Variants in ATAD1 observed in about 807,000 individuals in gnomAD.
The protein encoded by ATAD1 is ATPase family AAA domain containing 1.
ATAD1 carries 18 observed loss-of-function variants against 42.7 expected under a neutral mutation model. The ratio of observed to expected loss-of-function variants is 0.42; its 90% CI spans 0.29 to 0.63. ATAD1 has a LOEUF of 0.63. Among genes scored for constraint, ATAD1 ranks in the 20% least tolerant of loss-of-function variants. ATAD1 has a pLI of 0.19. For synonymous variants in ATAD1, 132 were observed against 143.1 expected (o/e 0.92, Z 0.55); for missense variants, 294 against 440.4 (o/e 0.67, Z 2.98).
intron 2 of ATAD1, among the ~76,000 whole-genome samples, chr10:87,801,564 AATT>A: frequency 6.7e-6 from 1 of 150,062 alleles, no homozygotes; most frequent in South Asian, 2.1e-4. Flanking sequence ...TGTGTCCTAA[AATT>A]ATGAGAAACT....
At chr10:87,789,754 A>G (rs975875374) in intron 4 of ATAD1, among the ~76,000 whole-genome samples, 1 of 152,156 alleles carries the variant, frequency 6.6e-6, no homozygotes, top group Non-Finnish European at 1.5e-5. Flanking sequence ...AAGAAAAAAA[A>G]AGAAAGATTT....
At chr10:87,827,554 T>C (rs1389641610) in intron 1 of ATAD1, among the ~76,000 whole-genome samples, 5 of 152,212 alleles carry the variant, frequency 3.3e-5, no homozygotes, top group African/African-American at 1.2e-4. Context: ...TAAATTATTA[T>C]ATCTGTTACG....
intron 3 of ATAD1, 88 bp from the exon 4 acceptor site, chr10:87,790,518 T>C (rs1856047477): frequency 7.5e-7 from 1 of 1,331,870 alleles, no homozygotes; most frequent in Non-Finnish European, 1.0e-6. Context: ...CAAATGTTAA[T>C]CTGATGATTA....
chr10:87,788,097 T>C (rs1385946657), intron 4 of ATAD1, among the ~76,000 whole-genome samples: 1 of 152,198 alleles, frequency 6.6e-6, no homozygotes, highest in African/African-American at 2.4e-5. Flanking sequence ...GTGCCCCCAT[T>C]TCCCTGTCAC....
At chr10:87,827,897 C>T (rs1481521760) in intron 1 of ATAD1, among the ~76,000 whole-genome samples, 1 of 152,110 alleles carries the variant, frequency 6.6e-6, no homozygotes, top group Non-Finnish European at 1.5e-5. Flanking sequence ...AAAGCTAGGC[C>T]TCTTGAGTCA....
At chr10:87,765,929 T>C (rs749402024) in intron 8 of ATAD1, among the ~76,000 whole-genome samples, 4 of 151,842 alleles carry the variant, frequency 2.6e-5, no homozygotes, top group Non-Finnish European at 5.9e-5. Flanking sequence ...TGTAATCTGC[T>C]TGGGAGGGTG....
At chr10:87,809,505 A>G (rs568937516) in intron 2 of ATAD1, among the ~76,000 whole-genome samples, 2 of 150,430 alleles carry the variant, frequency 1.3e-5, no homozygotes, top group South Asian at 2.1e-4. Context: ...GGCAGGAGAG[A>G]CGGGCACACT....
chr10:87,767,864 G>A (rs1161223971), intron 7 of ATAD1, 141 bp from the exon 8 acceptor site: 7 of 713,712 alleles, frequency 9.8e-6, no homozygotes, highest in Non-Finnish European at 1.4e-5. Context: ...AGAGGTCAAA[G>A]CAACTAGATT....
At chr10:87,799,180 T>C (rs1163438475) in intron 2 of ATAD1, among the ~76,000 whole-genome samples, 1 of 152,216 alleles carries the variant, frequency 6.6e-6, no homozygotes, top group Non-Finnish European at 1.5e-5. Flanking sequence ...TGCCAAAATA[T>C]ATTTTTGTTT....
At chr10:87,791,278 G>A (rs1235551148) in intron 3 of ATAD1, among the ~76,000 whole-genome samples, 2 of 151,538 alleles carry the variant, frequency 1.3e-5, no homozygotes, top group Non-Finnish European at 2.9e-5. Flanking sequence ...CAGGGCATAC[G>A]TATTTTCAAA....
chr10:87,789,360 A>T (rs992686104), intron 4 of ATAD1, among the ~76,000 whole-genome samples: 1 of 152,200 alleles, frequency 6.6e-6, no homozygotes, highest in African/African-American at 2.4e-5. Flanking sequence ...ACACACACAT[A>T]TATCTCTCAC....
intron 8 of ATAD1, among the ~76,000 whole-genome samples, chr10:87,758,272 A>C (rs1350215542): frequency 6.6e-6 from 1 of 152,180 alleles, no homozygotes; most frequent in African/African-American, 2.4e-5. Flanking sequence ...ATACATAGGT[A>C]CCACTAAAGG....
Position 87,753,706 on chromosome 10 carries a change from C to T in ATAD1, c.*981G>A, listed in dbSNP as rs1225761951. The stretch of plus-strand genomic sequence containing the variant: ...CTTAGTAACAGCTACTTGTTTTAAA[C>T]TATTATTTCATTTTTGGTGACCAAA... On this transcript the variant is annotated 3_prime_UTR_variant, in exon 10 of 10. Coordinates refer to ENST00000680024, the MANE Select transcript of ATAD1 (RefSeq NM_001321967.2). 3 of 152,494 alleles carry T rather than the reference C, an allele frequency of 2.0e-5. No homozygotes were observed. The highest frequency in any genetic ancestry group is 4.4e-5 in the Non-Finnish European group (3 of 67,986). 9.4% of individuals were successfully genotyped at this position (152,494 alleles called of 1,614,324 possible). A position where few individuals can be genotyped will look rare whatever the true frequency, so the allele number is the denominator to read the frequency against.
In ATAD1 at chr10:87,828,136, T is replaced by A. The variant is rs188938686; in HGVS notation, c.-14+13051A>T. Reference sequence around the variant, plus strand: ...CTGAGCCTGGCTAATTTTTTTTTTTTAATTTTTTGCAGAGATGGGGTCTCA... The same window carrying A: ...CTGAGCCTGGCTAATTTTTTTTTTTAAATTTTTTGCAGAGATGGGGTCTCA... On this transcript the variant is annotated intron_variant, in intron 1 of 4. Coordinates refer to the ATAD1 transcript ENST00000495903. Among the ~76,000 whole-genome samples, 26 of 152,074 alleles carry A rather than the reference T, an allele frequency of 1.7e-4. No individual in the cohort carries two copies. In the East Asian group the frequency reaches 1.7e-3, roughly 10 times the overall value.
At chr10:87,840,005 G>T (rs1160051112) in intron 1 of ATAD1, among the ~76,000 whole-genome samples, 3 of 152,048 alleles carry the variant, frequency 2.0e-5, no homozygotes, top group Non-Finnish European at 4.4e-5. Flanking sequence ...AGTCATTTAG[G>T]AATAAAAAGA....
chr10:87,831,739 G>C (rs911185038), intron 1 of ATAD1, among the ~76,000 whole-genome samples: 25 of 152,258 alleles, frequency 1.6e-4, no homozygotes, highest in African/African-American at 6.0e-4. Flanking sequence ...CAGTTATAAT[G>C]TCGTATGGCA....
At chr10:87,831,464 G>C (rs1857827372) in intron 1 of ATAD1, among the ~76,000 whole-genome samples, 1 of 152,192 alleles carries the variant, frequency 6.6e-6, no homozygotes. Context: ...TTCAAGAGTG[G>C]TGTGACCAGT....
intron 1 of ATAD1, among the ~76,000 whole-genome samples, chr10:87,816,783 T>C (rs1333281296): frequency 6.6e-6 from 1 of 152,180 alleles, no homozygotes; most frequent in Non-Finnish European, 1.5e-5. Context: ...TATCACTACG[T>C]GGGGTATACT....
chr10:87,837,766 T>C (rs1010260579), intron 1 of ATAD1, among the ~76,000 whole-genome samples: 1 of 152,190 alleles, frequency 6.6e-6, no homozygotes, highest in African/African-American at 2.4e-5. Context: ...AACTGGTGTT[T>C]ATCCCACCCT....
Sources: gnomAD v4.1 joint callset for allele counts (sites outside exome capture counted in the v4.1 genomes callset) on GRCh38, gnomAD v4.1.1 for gene constraint, MANE v1.5 for transcripts, NCBI Gene and HGNC (gene_info 2026-07-23, HGNC 2026-07-21) for gene names.